THSD7A: variants seen among roughly 807,000 people sequenced by gnomAD.
THSD7A encodes the protein thrombospondin type-1 domain-containing protein 7A.
Under a neutral mutation model 231.3 loss-of-function variants are expected in THSD7A, and 96 were observed. The observed-to-expected ratio is 0.41, with a 90% CI of 0.35 to 0.49. The LOEUF is 0.49. Among genes scored for constraint, THSD7A ranks in the 20% least tolerant of loss-of-function variants. The pLI, the probability that THSD7A is intolerant of heterozygous loss-of-function variation, is 0.05. For synonymous variants in THSD7A, 940 were observed against 743.3 expected (o/e 1.26, Z -4.30); for missense variants, 2,290 against 2,070.2 (o/e 1.11, Z -2.06).
chr7:11,475,723 G>T (rs1211517972), intron 7 of THSD7A, among the ~76,000 whole-genome samples: 1 of 150,118 alleles, frequency 6.7e-6, no homozygotes, highest in African/African-American at 2.4e-5. Context: ...TCATTTAGCT[G>T]TAAAAATTGA....
intron 1 of THSD7A, among the ~76,000 whole-genome samples, chr7:11,785,888 A>G (rs1783774348): frequency 6.6e-6 from 1 of 152,094 alleles, no homozygotes; most frequent in Non-Finnish European, 1.5e-5. Flanking sequence ...CTTAGGGTTA[A>G]TTTGTAATCT....
Position 11,446,023 on chromosome 7 carries a change from C to G in THSD7A, c.3064+38G>C, listed in dbSNP as rs375885516. On this transcript the variant is annotated intron_variant, in intron 13 of 27. Transcript: ENST00000423059. The surrounding 1 kb of genome is among the most constrained non-coding windows in gnomAD (Gnocchi z 4.0). The stretch of plus-strand genomic sequence containing the variant: ...CGTGTGCATTTTCCCTCCACACTCC[C>G]GAAGATAGCAAATATGTAACAATGA... 1.2e-6 allele frequency: 2 copies of G among 1,610,222 alleles called. No individual in the cohort carries two copies. Among genetic ancestry groups the G allele is most frequent in the African/African-American group, 1.3e-5 (1 of 74,802 alleles).
intron 1 of THSD7A, among the ~76,000 whole-genome samples, chr7:11,752,224 C>T (rs186625742): frequency 3.9e-5 from 6 of 152,150 alleles, no homozygotes; most frequent in African/African-American, 1.4e-4. Context: ...TCACACATTC[C>T]GTTCCTTGCC....
chr7:11,705,732 T>C (rs1306122914), intron 1 of THSD7A, among the ~76,000 whole-genome samples: 1 of 150,986 alleles, frequency 6.6e-6, no homozygotes, highest in African/African-American at 2.4e-5. Context: ...GTTTTTAGAG[T>C]ATCACAACCC....
intron 6 of THSD7A, among the ~76,000 whole-genome samples, chr7:11,529,855 A>C (rs2128318940): frequency 6.6e-6 from 1 of 152,324 alleles, no homozygotes; most frequent in Non-Finnish European, 1.5e-5. Context: ...TGCTCAGCTA[A>C]CTTTCTCTCT....
At chr7:11,573,826 T>A (rs1044613221) in intron 4 of THSD7A, among the ~76,000 whole-genome samples, 3 of 152,198 alleles carry the variant, frequency 2.0e-5, no homozygotes, top group Non-Finnish European at 2.9e-5. Flanking sequence ...TGAGTCAGTT[T>A]ATTTACTTAT....
intron 1 of THSD7A, among the ~76,000 whole-genome samples, chr7:11,644,390 C>A (rs1485514197): frequency 6.6e-6 from 1 of 151,778 alleles, no homozygotes; most frequent in Non-Finnish European, 1.5e-5. Flanking sequence ...TTTGAATATA[C>A]AAAAATAAAT....
chr7:11,402,521 T>C (rs1255875522), intron 22 of THSD7A, among the ~76,000 whole-genome samples: 1 of 152,212 alleles, frequency 6.6e-6, no homozygotes, highest in African/African-American at 2.4e-5. Flanking sequence ...TCCTCTGATC[T>C]ACATCCTCAA....
intron 15 of THSD7A, 108 bp downstream of exon 15, chr7:11,426,558 C>T: frequency 1.7e-6 from 2 of 1,190,368 alleles, no homozygotes; most frequent in Non-Finnish European, 2.3e-6. Flanking sequence ...ACATTTTCTC[C>T]CTGTAAAACA....
In THSD7A at chr7:11,411,457, A is replaced by G; in HGVS notation, c.3683-135T>C. On this transcript the variant is annotated intron_variant, in intron 18 of 27. Coordinates refer to ENST00000423059, the MANE Select transcript of THSD7A (RefSeq NM_015204.3). The surrounding 1 kb of genome is among the most constrained non-coding windows in gnomAD (Gnocchi z 4.1). ...CCATAATCAATCATCCCCCATGCAG[A>G]GCATATGGGTCCCAGCTTTGAACGT... 1 of 627,186 alleles carries G rather than the reference A, an allele frequency of 1.6e-6. No individual in the cohort carries two copies. 38.9% of individuals were successfully genotyped at this position (627,186 alleles called of 1,614,324 possible).
intron 4 of THSD7A, among the ~76,000 whole-genome samples, chr7:11,553,034 A>C (rs1459642115): frequency 6.6e-6 from 1 of 151,842 alleles, no homozygotes; most frequent in Non-Finnish European, 1.5e-5. Context: ...TCCACTCCAA[A>C]ACTCTGCATT....
rs1782634866 is a variant in THSD7A, at chr7:11,384,138, T to C, written c.4412-1522A>G. The C allele has an allele frequency of 2.0e-5, 3 of 151,744 alleles. No individual in the cohort carries two copies. The South Asian group carries it at 6.2e-4, about 31-fold the overall frequency. The allele number at this position is 151,744 out of a possible 1,614,324, so 9.4% of individuals were successfully genotyped here. A position where few individuals can be genotyped will look rare whatever the true frequency, so the allele number is the denominator to read the frequency against. ...ATACAATTTTGTTTTTTGATCATTT[T>C]AAATAAATTAATAAATATTATAAGT... On this transcript the variant is annotated intron_variant, in intron 23 of 27. Coordinates refer to ENST00000423059, the MANE Select transcript of THSD7A (RefSeq NM_015204.3).
At chr7:11,776,254 T>C (rs1315370965) in intron 1 of THSD7A, among the ~76,000 whole-genome samples, 1 of 152,194 alleles carries the variant, frequency 6.6e-6, no homozygotes, top group African/African-American at 2.4e-5. Flanking sequence ...TGCAGGGCGG[T>C]GAACAAATTT....
intron 4 of THSD7A, among the ~76,000 whole-genome samples, chr7:11,554,948 C>G (rs902791506): frequency 6.6e-6 from 1 of 151,866 alleles, no homozygotes; most frequent in Non-Finnish European, 1.5e-5. Context: ...TGTGTAGTGA[C>G]ATTTCCCTAT....
At position 11,492,975 on chromosome 7, in the gene THSD7A, T is replaced by A. The variant is rs1032175104; in HGVS notation, c.1823-10993A>T. ...GAAATTTCAGCAATGGAGGAAGTGCTCTATAAGTTGGTCAGAAGTGGTTCT... is the reference window on the plus strand; with the variant it reads ...GAAATTTCAGCAATGGAGGAAGTGCACTATAAGTTGGTCAGAAGTGGTTCT... On this transcript the variant is annotated intron_variant, in intron 6 of 27. Coordinates refer to ENST00000423059, the MANE Select transcript of THSD7A (RefSeq NM_015204.3). 2.0e-5 allele frequency among the ~76,000 whole-genome samples: 3 copies of A among 152,182 alleles called. No homozygotes were observed. The East Asian group carries it at 5.8e-4, about 29-fold the overall frequency.
rs1287329718 is a variant in THSD7A at position 11,637,636 on chromosome 7, T to C, written c.191-675A>G. Among the ~76,000 whole-genome samples, 1 of 152,212 alleles carries C rather than the reference T, an allele frequency of 6.6e-6. No homozygotes were observed. Among genetic ancestry groups the C allele is most frequent in the African/African-American group, 2.4e-5 (1 of 41,464 alleles). ...ATAGAGCTGGGTAAGGGAATTTAAATGTAACTAAAAGACTTTTGCAATTTT... is the reference window on the plus strand; with the variant it reads ...ATAGAGCTGGGTAAGGGAATTTAAACGTAACTAAAAGACTTTTGCAATTTT... On this transcript the variant is annotated intron_variant, in intron 1 of 27. Coordinates refer to ENST00000423059, the MANE Select transcript of THSD7A (RefSeq NM_015204.3). This position sits in a 1 kb window ranked among gnomAD's most constrained non-coding sequence, Gnocchi z 4.2.
At chr7:11,713,313 G>T (rs373167751) in intron 1 of THSD7A, among the ~76,000 whole-genome samples, 1 of 151,280 alleles carries the variant, frequency 6.6e-6, no homozygotes, top group South Asian at 2.1e-4. Flanking sequence ...ACTTTACAAG[G>T]TTTATGTTTA....
chr7:11,791,518 G>T (rs946631889), intron 1 of THSD7A, among the ~76,000 whole-genome samples: 4 of 151,962 alleles, frequency 2.6e-5, no homozygotes, highest in Admixed American at 6.6e-5. Context: ...CATATTTGAA[G>T]TTTTCTGTAA....
At chr7:11,473,659 A>G (rs998022634) in intron 8 of THSD7A, among the ~76,000 whole-genome samples, 1 of 152,080 alleles carries the variant, frequency 6.6e-6, no homozygotes, top group Non-Finnish European at 1.5e-5. Context: ...ATTTTTGTTT[A>G]TACTTCTCAC....
Sources: gnomAD v4.1 joint callset for allele counts (sites outside exome capture counted in the v4.1 genomes callset) on GRCh38, gnomAD v4.1.1 for gene constraint, Gnocchi (gnomAD v3.1) non-coding constraint, MANE v1.5 for transcripts, NCBI Gene and HGNC (gene_info 2026-07-23, HGNC 2026-07-21) for gene names.